The following PTPRD variants were observed in gnomAD, a reference collection of about 807,000 sequenced individuals.
The protein encoded by PTPRD is receptor-type tyrosine-protein phosphatase delta.
A neutral mutation model predicts 214.5 loss-of-function variants in PTPRD; 34 were observed. The ratio of observed to expected loss-of-function variants is 0.16; its 90% CI spans 0.12 to 0.21. PTPRD has a LOEUF of 0.21. Among genes scored for constraint, PTPRD ranks in the 10% least tolerant of loss-of-function variants. The probability of loss-of-function intolerance (pLI) is 1.00; values close to 1 mark genes in which losing one functional copy is unlikely to be tolerated. For missense variants in PTPRD, 2,545 were observed against 2,398.7 expected (o/e 1.06, Z -1.27); for synonymous variants, 1,128 against 845.7 (o/e 1.33, Z -5.79).
At chr9:9,952,284 C>G (rs1416851396) in intron 4 of PTPRD, among the ~76,000 whole-genome samples, 1 of 152,102 alleles carries the variant, frequency 6.6e-6, no homozygotes, top group African/African-American at 2.4e-5. Flanking sequence ...TAGTGGAATT[C>G]TAGAATGTAA....
chr9:9,379,202 T>C (rs895146081), intron 9 of PTPRD, among the ~76,000 whole-genome samples: 3 of 148,322 alleles, frequency 2.0e-5, no homozygotes, highest in Admixed American at 1.4e-4. Context: ...TTGAGATATA[T>C]ATATATATGA....
rs535777320 is a variant in PTPRD at position 9,356,555 on chromosome 9, G to A, written c.-203+40894C>T. On this transcript the variant is annotated intron_variant, in intron 9 of 45. Transcript: ENST00000381196. ...ACTAAATAAGGCCAGCTTTTAAGAT[G>A]TCATTTTCTCCATTTCAATCACGTT... is the stretch of plus-strand genomic sequence containing the variant. 4.6e-5 allele frequency among the ~76,000 whole-genome samples: 7 copies of A among 151,466 alleles called. No homozygotes were observed. In the South Asian group the frequency reaches 1.5e-3, roughly 31 times the overall value.
At chr9:8,356,685 G>C (rs949295004) in intron 39 of PTPRD, among the ~76,000 whole-genome samples, 6 of 152,148 alleles carry the variant, frequency 3.9e-5, no homozygotes, top group African/African-American at 1.4e-4. Flanking sequence ...ATTGACAGCT[G>C]TTTGTTCTGA....
intron 2 of PTPRD, among the ~76,000 whole-genome samples, chr9:10,403,538 G>C (rs1257677840): frequency 6.6e-6 from 1 of 151,290 alleles, no homozygotes; most frequent in African/African-American, 2.4e-5. Flanking sequence ...TTTTGGGAGA[G>C]CGAAAAGGTA....
intron 5 of PTPRD, among the ~76,000 whole-genome samples, chr9:9,933,972 A>G (rs2087973452): frequency 6.8e-6 from 1 of 146,338 alleles, no homozygotes; most frequent in South Asian, 2.1e-4. Flanking sequence ...CTGCTCCTGA[A>G]TGACTACTGG....
chr9:10,091,351 T>C (rs2098427461), intron 3 of PTPRD, among the ~76,000 whole-genome samples: 1 of 151,528 alleles, frequency 6.6e-6, no homozygotes, highest in African/African-American at 2.4e-5. Context: ...TTTTTGTTAC[T>C]ATATTTAAAA....
chr9:8,854,677 T>C (rs998099985), intron 11 of PTPRD, among the ~76,000 whole-genome samples: 11 of 152,184 alleles, frequency 7.2e-5, no homozygotes, highest in Admixed American at 4.6e-4. Context: ...TAAAAATGTA[T>C]AGTGCGTCTT....
At chr9:9,869,293 G>A (rs1209283005) in intron 5 of PTPRD, among the ~76,000 whole-genome samples, 2 of 152,104 alleles carry the variant, frequency 1.3e-5, no homozygotes, top group Non-Finnish European at 2.9e-5. Flanking sequence ...CAGAAGAAAT[G>A]TTGCATTTAG....
At chr9:8,569,703 T>G (rs1342169342) in intron 14 of PTPRD, among the ~76,000 whole-genome samples, 1 of 152,108 alleles carries the variant, frequency 6.6e-6, no homozygotes. Context: ...CTTTAAAACT[T>G]CCACTGCTTA....
In PTPRD at chr9:9,869,014, G is replaced by A. The variant is rs191155778; in HGVS notation, c.-368+69493C>T. ...CTGAACAAATGCATCTAATTAAGAG[G>A]CATAATTTGAGAATATGGTATAATT... On this transcript the variant is annotated intron_variant, in intron 5 of 45. Coordinates refer to ENST00000381196, the MANE Select transcript of PTPRD (RefSeq NM_002839.4). 3.6e-3 allele frequency among the ~76,000 whole-genome samples: 547 copies of A among 150,748 alleles called. 1 individual carries two copies. The highest frequency in any genetic ancestry group is 0.013 in the African/African-American group (513 of 41,038).
chr9:8,627,567 T>C (rs1339002946), intron 14 of PTPRD, among the ~76,000 whole-genome samples: 1 of 151,918 alleles, frequency 6.6e-6, no homozygotes, highest in African/African-American at 2.4e-5. Flanking sequence ...TTCAATGCAA[T>C]GATTTACAAG....
At chr9:9,676,012 A>G (rs2096921707) in intron 7 of PTPRD, among the ~76,000 whole-genome samples, 1 of 152,154 alleles carries the variant, frequency 6.6e-6, no homozygotes, top group Admixed American at 6.6e-5. Flanking sequence ...GTAGCACTAA[A>G]AAAATACAAA....
At chr9:8,478,686 A>C (rs2096818232) in intron 30 of PTPRD, among the ~76,000 whole-genome samples, 1 of 152,200 alleles carries the variant, frequency 6.6e-6, no homozygotes, top group Admixed American at 6.5e-5. Flanking sequence ...GCACCACAGA[A>C]TTCCTGATAC....
intron 11 of PTPRD, among the ~76,000 whole-genome samples, chr9:9,008,818 C>A (rs2099494599): frequency 6.6e-6 from 1 of 151,994 alleles, no homozygotes; most frequent in Non-Finnish European, 1.5e-5. Flanking sequence ...TTTGAGAACC[C>A]TTGTAAAACC....
chr9:10,551,528 T>C (rs1032863469), intron 2 of PTPRD, among the ~76,000 whole-genome samples: 1 of 152,094 alleles, frequency 6.6e-6, no homozygotes. Flanking sequence ...GCCTCATGAA[T>C]GGGAATTGTG....
intron 8 of PTPRD, among the ~76,000 whole-genome samples, chr9:9,534,305 G>A (rs895973676): frequency 6.6e-6 from 1 of 152,014 alleles, no homozygotes; most frequent in South Asian, 2.1e-4. Flanking sequence ...TGAGGACACA[G>A]TAGTCACATG....
intron 9 of PTPRD, among the ~76,000 whole-genome samples, chr9:9,238,731 T>A (rs2099968659): frequency 6.6e-6 from 1 of 152,130 alleles, no homozygotes; most frequent in South Asian, 2.1e-4. Flanking sequence ...CTAAAACAAT[T>A]ACACAACCTA....
chr9:8,445,896 C>T (rs1413349537), intron 34 of PTPRD, among the ~76,000 whole-genome samples: 1 of 152,154 alleles, frequency 6.6e-6, no homozygotes, highest in African/African-American at 2.4e-5. Flanking sequence ...CCCTGAAGTA[C>T]CTCTAGCTGC....
At chr9:8,940,436 C>T (rs2099025723) in intron 11 of PTPRD, among the ~76,000 whole-genome samples, 1 of 133,148 alleles carries the variant, frequency 7.5e-6, no homozygotes, top group African/African-American at 2.8e-5. Flanking sequence ...GCTCCTATCA[C>T]CACTCCCAGC....
Sources: allele counts gnomAD v4.1 joint callset (sites outside exome capture counted in the v4.1 genomes callset), GRCh38; gene constraint gnomAD v4.1.1; transcripts MANE v1.5; gene names NCBI Gene and HGNC (gene_info 2026-07-23, HGNC 2026-07-21).